The following GRIA4 variants were observed in gnomAD, a reference collection of about 807,000 sequenced individuals.
GRIA4 encodes glutamate receptor 4.
In GRIA4, 34 loss-of-function variants were observed where a neutral mutation model predicts 104.0. The observed-to-expected ratio is 0.33, with a 90% CI of 0.25 to 0.44. The LOEUF (loss-of-function observed/expected upper bound fraction) is 0.44. GRIA4 is among the 20% of genes least tolerant of loss of function. The probability of loss-of-function intolerance (pLI) is 1.00; values close to 1 mark genes in which losing one functional copy is unlikely to be tolerated. For missense variants in GRIA4, 750 were observed against 1,096.5 expected (o/e 0.68, Z 4.46); for synonymous variants, 386 against 381.9 (o/e 1.01, Z -0.13).
At chr11:105,852,029 T>G (rs1229106199) in intron 4 of GRIA4, among the ~76,000 whole-genome samples, 1 of 152,050 alleles carries the variant, frequency 6.6e-6, no homozygotes, top group Non-Finnish European at 1.5e-5. Context: ...AAAGAAGAAA[T>G]AAATAGAGAA....
At chr11:105,842,570 C>A (rs577174652) in intron 4 of GRIA4, among the ~76,000 whole-genome samples, 1 of 152,132 alleles carries the variant, frequency 6.6e-6, no homozygotes, top group African/African-American at 2.4e-5. Flanking sequence ...TCCTGGCACA[C>A]GTTGATACTG....
intron 4 of GRIA4, among the ~76,000 whole-genome samples, chr11:105,809,078 A>G (rs1943066891): frequency 6.6e-6 from 1 of 152,114 alleles, no homozygotes; most frequent in South Asian, 2.1e-4. Context: ...CTGAGGTAAG[A>G]TGTTAAAATA....
chr11:105,866,994 C>A (rs113038956), intron 5 of GRIA4, among the ~76,000 whole-genome samples: 80 of 152,196 alleles, frequency 5.3e-4, no homozygotes, highest in African/African-American at 1.9e-3. Flanking sequence ...TCACAGGTAT[C>A]TTAAACTGCT....
intron 2 of GRIA4, 75 bp from the exon 3 acceptor site, chr11:105,612,201 T>C: frequency 7.3e-7 from 1 of 1,369,374 alleles, no homozygotes; most frequent in Admixed American, 1.7e-5. Flanking sequence ...TGGCAGTAGA[T>C]TTGACTGTGC....
chr11:105,668,185 C>T (rs578061571), intron 3 of GRIA4, among the ~76,000 whole-genome samples: 1 of 115,908 alleles, frequency 8.6e-6, no homozygotes, highest in African/African-American at 3.4e-5. Flanking sequence ...CTGAATAATA[C>T]TCCATTGCAT....
At chr11:105,976,580 A>C (rs1858994306) in intron 16 of GRIA4, among the ~76,000 whole-genome samples, 1 of 152,070 alleles carries the variant, frequency 6.6e-6, no homozygotes, top group South Asian at 2.1e-4. Context: ...CTTATAAGTA[A>C]GCAGTTTTTA....
chr11:105,734,647 C>G (rs889742993), intron 3 of GRIA4, among the ~76,000 whole-genome samples: 1 of 152,106 alleles, frequency 6.6e-6, no homozygotes, highest in Non-Finnish European at 1.5e-5. Context: ...TCAGCCTTAT[C>G]ACTCACCACT....
intron 3 of GRIA4, among the ~76,000 whole-genome samples, chr11:105,655,246 T>C (rs1347965807): frequency 1.3e-5 from 2 of 151,538 alleles, no homozygotes; most frequent in African/African-American, 4.9e-5. Flanking sequence ...TTGTTTCATA[T>C]CATCATTTTG....
intron 4 of GRIA4, among the ~76,000 whole-genome samples, chr11:105,854,387 A>G (rs1037572894): frequency 1.3e-5 from 2 of 152,156 alleles, no homozygotes; most frequent in African/African-American, 2.4e-5. Flanking sequence ...GTGAAGCCTG[A>G]GCCAGAGCAC....
chr11:105,887,844 C>A (rs1207372671), intron 6 of GRIA4, among the ~76,000 whole-genome samples: 3 of 152,128 alleles, frequency 2.0e-5, no homozygotes, highest in African/African-American at 7.2e-5. Flanking sequence ...AAATAATTTT[C>A]TCTGTCTAAA....
intron 3 of GRIA4, among the ~76,000 whole-genome samples, chr11:105,617,652 C>T (rs897855526): frequency 6.6e-6 from 1 of 152,052 alleles, no homozygotes; most frequent in Non-Finnish European, 1.5e-5. Context: ...ACAGCAAAGG[C>T]TGAAGTCATA....
Position 105,903,804 on chromosome 11 carries a change from A to G in GRIA4, c.886-10A>G. The G allele has an allele frequency of 1.9e-6, 3 of 1,587,188 alleles. No individual in the cohort carries two copies. In the South Asian group the frequency reaches 3.3e-5, roughly 18 times the overall value. ...AACATTTACCATTATGTTCATTTTC[A>G]TTTGGTTAGTACACCTCTGCTCTGA... is the stretch of plus-strand genomic sequence containing the variant. On this transcript the variant is annotated splice_polypyrimidine_tract_variant and intron_variant, in intron 7 of 16. Transcript: ENST00000282499.
chr11:105,768,216 T>C (rs1199169599), intron 4 of GRIA4, among the ~76,000 whole-genome samples: 1 of 152,106 alleles, frequency 6.6e-6, no homozygotes, highest in Non-Finnish European at 1.5e-5. Context: ...CAGGAGGTAA[T>C]GCCAAGTTTA....
At chr11:105,790,275 G>A (rs1290707918) in intron 4 of GRIA4, among the ~76,000 whole-genome samples, 2 of 152,126 alleles carry the variant, frequency 1.3e-5, no homozygotes, top group African/African-American at 4.8e-5. Flanking sequence ...AGAGACATCT[G>A]TTACCTTTAT....
chr11:105,904,999 A>G (rs902866607), intron 8 of GRIA4, among the ~76,000 whole-genome samples, 198 bp from the exon 9 acceptor site: 2 of 152,248 alleles, frequency 1.3e-5, no homozygotes, highest in African/African-American at 4.8e-5. Flanking sequence ...CCAGGGGTAT[A>G]GCAAAATTGC....
chr11:105,777,730 G>A (rs1941512835), intron 4 of GRIA4, among the ~76,000 whole-genome samples: 1 of 152,106 alleles, frequency 6.6e-6, no homozygotes, highest in Non-Finnish European at 1.5e-5. Context: ...TTCACACACT[G>A]AAGTGACAAC....
chr11:105,978,945 T>A (rs1859133065), intron 16 of GRIA4, among the ~76,000 whole-genome samples: 2 of 152,174 alleles, frequency 1.3e-5, no homozygotes, highest in Non-Finnish European at 2.9e-5. Flanking sequence ...TTGAAACATA[T>A]CCCTTTTCAG....
intron 3 of GRIA4, among the ~76,000 whole-genome samples, chr11:105,691,568 CTCA>C (rs753732538): frequency 5.9e-5 from 9 of 152,098 alleles, no homozygotes; most frequent in Non-Finnish European, 1.0e-4. Context: ...TAGTACTTAC[CTCA>C]TAAGATTATT....
intron 3 of GRIA4, chr11:105,707,105 T>C (rs543898579): frequency 1.3e-5 from 2 of 152,678 alleles, no homozygotes; most frequent in Admixed American, 6.5e-5. Context: ...TCATTTTGAA[T>C]AGGCTGAAAG....
Sources: allele counts gnomAD v4.1 joint callset (sites outside exome capture counted in the v4.1 genomes callset), GRCh38; gene constraint gnomAD v4.1.1; transcripts MANE v1.5; gene names NCBI Gene and HGNC (gene_info 2026-07-23, HGNC 2026-07-21).